SCHIP1: variants seen among roughly 807,000 people sequenced by gnomAD.
SCHIP1 encodes schwannomin-interacting protein 1.
A neutral mutation model predicts 29.7 loss-of-function variants in SCHIP1; 8 were observed. The ratio of observed to expected loss-of-function variants is 0.27; its 90% CI spans 0.16 to 0.49. SCHIP1 has a LOEUF of 0.49. Ranked by LOEUF, SCHIP1 falls within the 20% of genes least tolerant of loss-of-function variation. The probability of loss-of-function intolerance (pLI) is 0.99; values close to 1 mark genes in which losing one functional copy is unlikely to be tolerated. For synonymous variants in SCHIP1, 76 were observed against 94.9 expected (o/e 0.80, Z 1.16); for missense variants, 193 against 294.6 (o/e 0.66, Z 2.52).
the SCHIP1 span, among the ~76,000 whole-genome samples, chr3:159,585,761 T>TAA: frequency 6.6e-6 from 1 of 152,180 alleles, no homozygotes; most frequent in Admixed American, 6.6e-5. Context: ...CCCTATAGTA[T>TAA]AACTCTTAAC....
the SCHIP1 span, among the ~76,000 whole-genome samples, chr3:159,533,698 G>T: frequency 1.3e-5 from 2 of 152,232 alleles, no homozygotes; most frequent in South Asian, 4.1e-4. Flanking sequence ...ATAGTTCCAA[G>T]GAAACATCCA....
the SCHIP1 span, among the ~76,000 whole-genome samples, chr3:159,793,046 T>G: frequency 6.6e-6 from 1 of 152,206 alleles, no homozygotes; most frequent in African/African-American, 2.4e-5. Context: ...ATTTTTATCT[T>G]GGATGACAAG....
At chr3:159,279,809 C>T in the SCHIP1 span, among the ~76,000 whole-genome samples, 1 of 152,080 alleles carries the variant, frequency 6.6e-6, no homozygotes, top group African/African-American at 2.4e-5. Context: ...AAAAAGGGAA[C>T]TAAAGGAAGT....
the SCHIP1 span, among the ~76,000 whole-genome samples, chr3:159,815,469 T>TG: frequency 2.0e-4 from 31 of 152,272 alleles, no homozygotes; most frequent in South Asian, 6.2e-3. Context: ...GTTGACACCT[T>TG]GGGGGGATGA....
chr3:159,832,378 T>G, the SCHIP1 span, among the ~76,000 whole-genome samples: 1 of 152,078 alleles, frequency 6.6e-6, no homozygotes, highest in African/African-American at 2.4e-5. Context: ...CATCATCAGT[T>G]TCTCCCTTTG....
At chr3:159,570,314 T>A in the SCHIP1 span, among the ~76,000 whole-genome samples, 1 of 152,162 alleles carries the variant, frequency 6.6e-6, no homozygotes, top group Admixed American at 6.5e-5. Context: ...TTGAATTAAT[T>A]TTTTGTATAA....
At chr3:159,735,224 A>G in the SCHIP1 span, among the ~76,000 whole-genome samples, 1 of 150,348 alleles carries the variant, frequency 6.7e-6, no homozygotes, top group Admixed American at 6.6e-5. Context: ...AAAATAACCA[A>G]TTGCTACTTT....
chr3:159,393,035 GTTTTGGTTTGCATTTCTC>G, the SCHIP1 span, among the ~76,000 whole-genome samples: 7 of 152,138 alleles, frequency 4.6e-5, no homozygotes, highest in Non-Finnish European at 1.0e-4. Context: ...TCTCATTGTG[GTTTTGGTTTGCATTTCTC>G]TGATGGCCAG....
chr3:159,805,059 C>T, the SCHIP1 span, among the ~76,000 whole-genome samples: 2 of 152,146 alleles, frequency 1.3e-5, no homozygotes, highest in African/African-American at 2.4e-5. Context: ...GGTGTTTATC[C>T]TTGAACCCGT....
chr3:159,864,310 A>G (rs1428367584), intron 1 of SCHIP1, among the ~76,000 whole-genome samples: 1 of 152,182 alleles, frequency 6.6e-6, no homozygotes, highest in African/African-American at 2.4e-5. Context: ...TTAGTGAAAT[A>G]AAAGGCATTC....
At chr3:159,636,472 G>T in the SCHIP1 span, among the ~76,000 whole-genome samples, 1 of 152,236 alleles carries the variant, frequency 6.6e-6, no homozygotes, top group African/African-American at 2.4e-5. Flanking sequence ...TCCATAAATT[G>T]TAAGGAAGAA....
At chr3:159,380,986 A>C in the SCHIP1 span, among the ~76,000 whole-genome samples, 2 of 152,232 alleles carry the variant, frequency 1.3e-5, no homozygotes, top group African/African-American at 4.8e-5. Flanking sequence ...AGTCTCTGTT[A>C]ATGCTATAAA....
chr3:159,570,907 A>G, the SCHIP1 span, among the ~76,000 whole-genome samples: 1 of 152,142 alleles, frequency 6.6e-6, no homozygotes, highest in Non-Finnish European at 1.5e-5. Flanking sequence ...CTTTGAAGCA[A>G]TTGTGAATGG....
chr3:159,426,755 C>A, the SCHIP1 span, among the ~76,000 whole-genome samples: 1 of 152,204 alleles, frequency 6.6e-6, no homozygotes, highest in Admixed American at 6.5e-5. Flanking sequence ...AGACCGATAT[C>A]CTTGATGAAC....
At chr3:159,414,537 ACTGTTGG>A in the SCHIP1 span, among the ~76,000 whole-genome samples, 1 of 152,210 alleles carries the variant, frequency 6.6e-6, no homozygotes. Context: ...CACAATTTTT[ACTGTTGG>A]CTGTTCATAT....
At chr3:159,378,748 G>A in the SCHIP1 span, among the ~76,000 whole-genome samples, 37 of 152,286 alleles carry the variant, frequency 2.4e-4, no homozygotes, top group East Asian at 6.2e-3. Context: ...TTATTATCAC[G>A]CAGACACAGC....
chr3:159,788,284 C>T, the SCHIP1 span, among the ~76,000 whole-genome samples: 7 of 152,234 alleles, frequency 4.6e-5, no homozygotes, highest in South Asian at 8.3e-4. Context: ...TCACTCTTTC[C>T]AGAAAAACAA....
At chr3:159,708,471 A>AT in the SCHIP1 span, among the ~76,000 whole-genome samples, 28 of 152,218 alleles carry the variant, frequency 1.8e-4, no homozygotes, top group Non-Finnish European at 3.2e-4. Context: ...GAGAGGATGA[A>AT]TTTTTTTTAA....
At chr3:159,493,399 G>T in the SCHIP1 span, among the ~76,000 whole-genome samples, 1 of 152,190 alleles carries the variant, frequency 6.6e-6, no homozygotes, top group East Asian at 1.9e-4. Context: ...ATAAAGGGAT[G>T]GAGGAAGATC....
Sources: allele counts gnomAD v4.1 joint callset (sites outside exome capture counted in the v4.1 genomes callset), GRCh38; gene constraint gnomAD v4.1.1; transcripts MANE v1.5; gene names NCBI Gene and HGNC (gene_info 2026-07-23, HGNC 2026-07-21).